TRIM22: variants seen among roughly 807,000 people sequenced by gnomAD.
The protein encoded by TRIM22 is tripartite motif containing 22, also known as E3 ubiquitin-protein ligase TRIM22.
Under a neutral mutation model 53.6 loss-of-function variants are expected in TRIM22, and 45 were observed. The ratio of observed to expected loss-of-function variants is 0.84; its 90% confidence interval spans 0.66 to 1.08. The LOEUF (loss-of-function observed/expected upper bound fraction) is 1.08, where lower values mean the gene tolerates loss of function less well. Among genes scored for constraint, TRIM22 ranks in the 50% least tolerant of loss-of-function variants. The pLI, the probability that TRIM22 is intolerant of heterozygous loss-of-function variation, is 0.00. For missense variants in TRIM22, 616 were observed against 590.9 expected (o/e 1.04, Z -0.44); for synonymous variants, 225 against 216.6 (o/e 1.04, Z -0.34).
chr11:5,698,046 C>T (rs1443717459), intron 3 of TRIM22: 9 of 384,510 alleles, frequency 2.3e-5, no homozygotes, highest in Non-Finnish European at 4.4e-5. Context: ...TTGTTCAGGA[C>T]AGGTGTCTAC....
Position 5,708,091 on chromosome 11 carries a change from G to A in TRIM22, c.774-82G>A, listed in dbSNP as rs113233934. ...GGGTCCAAGTGCGTCAGCAAGTATG[G>A]TGAAAGGTGAAAGAGACAGTGATCT... On this transcript the variant is annotated intron_variant, in intron 5 of 7. Transcript: ENST00000379965. The A allele has an allele frequency of 3.5e-6, 4 of 1,148,844 alleles. No homozygotes were observed. The African/African-American group carries it at 4.6e-5, about 13-fold the overall frequency. The allele number at this position is 1,148,844 out of a possible 1,614,324, so 71.2% of individuals were successfully genotyped here.
chr11:5,706,512 C>A, intron 4 of TRIM22, 82 bp from the exon 5 acceptor site: 2 of 1,354,918 alleles, frequency 1.5e-6, no homozygotes, highest in South Asian at 2.6e-5. Context: ...ATTGTTTATC[C>A]CAAATTCTAA....
intron 4 of TRIM22, among the ~76,000 whole-genome samples, chr11:5,703,898 A>G (rs1179066419): frequency 6.6e-6 from 1 of 152,192 alleles, no homozygotes; most frequent in Non-Finnish European, 1.5e-5. Context: ...AAAAATGCTC[A>G]TCATTGCTAA....
Position 5,691,766 on chromosome 11 carries a change from C to T in TRIM22, c.-67+1867C>T, listed in dbSNP as rs191551050. 1.6e-4 allele frequency among the ~76,000 whole-genome samples: 24 copies of T among 152,270 alleles called. No homozygotes were observed. In the East Asian group the frequency reaches 2.9e-3, roughly 18 times the overall value. Reference sequence around the variant, plus strand: ...CTCCTGAGTCTTATCTCGATCTTATCGCTGAGCATTTTGTACCTTGATGCC... The same window carrying T: ...CTCCTGAGTCTTATCTCGATCTTATTGCTGAGCATTTTGTACCTTGATGCC... On this transcript the variant is annotated intron_variant, in intron 1 of 7. Coordinates refer to ENST00000379965, the MANE Select transcript of TRIM22 (RefSeq NM_006074.5).
At chr11:5,706,513 C>T in intron 4 of TRIM22, 81 bp from the exon 5 acceptor site, 1 of 1,368,442 alleles carries the variant, frequency 7.3e-7, no homozygotes. Context: ...TTGTTTATCC[C>T]AAATTCTAAT....
rs1477005013 is a variant in TRIM22, at chr11:5,697,184, C to T, written c.424-64C>T. Reference sequence around the variant, plus strand: ...TGAGAGCCATCCAATTTCTTCCTTGCTGTCCTCTATTCAGGTGCTGAGAAA... The same window carrying T: ...TGAGAGCCATCCAATTTCTTCCTTGTTGTCCTCTATTCAGGTGCTGAGAAA... On this transcript the variant is annotated intron_variant, in intron 2 of 7. Transcript: ENST00000379965. 5.5e-6 allele frequency: 7 copies of T among 1,264,384 alleles called. No homozygotes were observed. The East Asian group carries it at 7.2e-5, about 13-fold the overall frequency. 78.3% of individuals were successfully genotyped at this position (1,264,384 alleles called of 1,614,324 possible).
In TRIM22 at chr11:5,709,240, A is replaced by G. The variant is rs750332809; in HGVS notation, c.1089A>G (p.Gly363=). 6 of 1,614,166 alleles carry G rather than the reference A, an allele frequency of 3.7e-6. No homozygotes were observed. In the South Asian group the frequency reaches 6.6e-5, roughly 18 times the overall value. The change falls in exon 8 of 8, where the codon GGA becomes GGG. Residue 363 remains glycine, a synonymous_variant. Coordinates refer to ENST00000379965, the MANE Select transcript of TRIM22 (RefSeq NM_006074.5). ...ATTACTGGGAAGTAGATGTGTCTGG[A>G]AAGATTGCCTGGATCCTGGGCGTAC... The part of the protein sequence containing the change: ...GKYYWEVDVS[G]KIAWILGVHS...
chr11:5,693,638 C>T (rs540256371), intron 1 of TRIM22, among the ~76,000 whole-genome samples: 3 of 139,330 alleles, frequency 2.2e-5, no homozygotes, highest in Non-Finnish European at 1.5e-5. Context: ...AGGAGAATGG[C>T]GTGAACCCGA....
At chr11:5,704,301 C>G (rs941481822) in intron 4 of TRIM22, among the ~76,000 whole-genome samples, 1 of 151,708 alleles carries the variant, frequency 6.6e-6, no homozygotes, top group Non-Finnish European at 1.5e-5. Context: ...ACAATGTTGA[C>G]CTTAGTGGTG....
At chr11:5,700,728 G>A (rs899267119) in intron 4 of TRIM22, among the ~76,000 whole-genome samples, 2 of 150,632 alleles carry the variant, frequency 1.3e-5, no homozygotes, top group African/African-American at 4.9e-5. Context: ...TCTGCCTCCC[G>A]GGTTCAAGCG....
intron 1 of TRIM22, among the ~76,000 whole-genome samples, chr11:5,690,718 C>T (rs1853159476): frequency 6.6e-6 from 1 of 152,144 alleles, no homozygotes; most frequent in African/African-American, 2.4e-5. Flanking sequence ...TCCATTTTGC[C>T]AACGTGGATC....
Position 5,708,271 on chromosome 11 carries a change from A to T in TRIM22, c.872A>T (p.Lys291Ile). 1 of 1,612,624 alleles carries T rather than the reference A, an allele frequency of 6.2e-7. No individual in the cohort carries two copies. Among genetic ancestry groups the T allele is most frequent in the Non-Finnish European group, 8.5e-7 (1 of 1,178,596 alleles). The change falls in exon 6 of 8, where the codon AAA becomes ATA. Residue 291 changes from lysine to isoleucine, a missense_variant and splice_region_variant. Lys to Ile is a moderately radical substitution (Grantham distance 102). Coordinates refer to ENST00000379965, the MANE Select transcript of TRIM22 (RefSeq NM_006074.5). ...CTGAGTGGGATGCTGCAAGTTCTTA[A>T]AGGTAAGGGGATTCAGGGGAAGGCT... The part of the protein sequence containing the change: ...PDLSGMLQVL[K>I]ELTDVQYYWV...
chr11:5,695,813 G>A (rs1853249592), intron 1 of TRIM22, among the ~76,000 whole-genome samples: 1 of 152,186 alleles, frequency 6.6e-6, no homozygotes, highest in African/African-American at 2.4e-5. Context: ...GGGCAGGGGT[G>A]TGTTTAGTGC....
At chr11:5,708,498 C>A in intron 6 of TRIM22, 79 bp from the exon 7 acceptor site, 1 of 1,388,380 alleles carries the variant, frequency 7.2e-7, no homozygotes, top group Non-Finnish European at 9.9e-7. Flanking sequence ...CCTTTCCTTT[C>A]CCTACTCTGG....
At chr11:5,706,067 C>T (rs145716829) in intron 4 of TRIM22, among the ~76,000 whole-genome samples, 7 of 152,224 alleles carry the variant, frequency 4.6e-5, no homozygotes, top group Admixed American at 2.6e-4. Flanking sequence ...ATAGGGCAAA[C>T]GTATTTCGCT....
rs1411053125 is a variant in TRIM22, at chr11:5,700,462, G to C, written c.750+1917G>C. Among the ~76,000 whole-genome samples the C allele has an allele frequency of 1.1e-4, 16 of 152,006 alleles. No homozygotes were observed. In the East Asian group the frequency reaches 3.1e-3, roughly 29 times the overall value. On this transcript the variant is annotated intron_variant, in intron 4 of 7. Transcript: ENST00000379965. ...TGTCTTTGCTTGTTTTATTACACTA[G>C]CTAGGACTTCTAGTACAATGTTCAA...
At position 5,696,339 on chromosome 11, in the gene TRIM22, A is replaced by C. The variant is rs1333682904; in HGVS notation, c.107A>C (p.Gln36Pro). Residue 36 changes from glutamine (Q) to proline (P), a missense_variant, in exon 2 of 8, where the codon CAA (glutamine) becomes CCA (proline). Gln to Pro is a moderately conservative substitution (Grantham distance 76). Coordinates refer to ENST00000379965, the MANE Select transcript of TRIM22 (RefSeq NM_006074.5). ...LSLDCGHSFC[Q>P]ACITAKIKES... ...CTAGATTGTGGCCACAGCTTCTGCCAAGCCTGCATCACTGCAAAGATCAAG... is the reference window on the plus strand; with the variant it reads ...CTAGATTGTGGCCACAGCTTCTGCCCAGCCTGCATCACTGCAAAGATCAAG... The C allele has an allele frequency of 6.2e-7, 1 of 1,614,284 alleles. No homozygotes were observed. Among genetic ancestry groups the C allele is most frequent in the African/African-American group, 1.3e-5 (1 of 75,070 alleles).
At chr11:5,692,808 A>AT (rs71053295) in intron 1 of TRIM22, among the ~76,000 whole-genome samples, 56,896 of 145,502 alleles carry the variant, frequency 0.39, 12,072 homozygotes, top group Non-Finnish European at 0.46. Flanking sequence ...AAAAAAAAAA[A>AT]AGATATTGAT....
At chr11:5,702,379 AAAAC>A (rs1853388475) in intron 4 of TRIM22, among the ~76,000 whole-genome samples, 2 of 147,074 alleles carry the variant, frequency 1.4e-5, no homozygotes, top group African/African-American at 2.5e-5. Flanking sequence ...ATATAAATAT[AAAAC>A]AAACATACAA....
Sources: allele counts gnomAD v4.1 joint callset (sites outside exome capture counted in the v4.1 genomes callset), GRCh38; gene constraint gnomAD v4.1.1; transcripts MANE v1.5; gene names NCBI Gene and HGNC (gene_info 2026-07-23, HGNC 2026-07-21).